The following MAGI3 variants were observed in gnomAD, a reference collection of about 807,000 sequenced individuals.
MAGI3 encodes membrane-associated guanylate kinase, WW and PDZ domain-containing protein 3.
MAGI3 carries 43 observed loss-of-function variants against 121.8 expected under a neutral mutation model. The ratio of observed to expected loss-of-function variants is 0.35; its 90% CI spans 0.28 to 0.46. The LOEUF (loss-of-function observed/expected upper bound fraction) is 0.46. Ranked by LOEUF, MAGI3 falls within the 20% of genes least tolerant of loss-of-function variation. MAGI3 has a pLI of 1.00. For missense variants in MAGI3, 1,547 were observed against 1,797.3 expected (o/e 0.86, Z 2.52); for synonymous variants, 553 against 639.3 (o/e 0.86, Z 2.04).
chr1:113,637,392 G>T (rs913492782), intron 9 of MAGI3, among the ~76,000 whole-genome samples: 10 of 152,128 alleles, frequency 6.6e-5, no homozygotes, highest in Non-Finnish European at 1.3e-4. Context: ...CATGTTTAGT[G>T]CTTCCTTCAG....
intron 1 of MAGI3, among the ~76,000 whole-genome samples, chr1:113,426,758 T>C (rs1353501211): frequency 6.6e-6 from 1 of 152,200 alleles, no homozygotes; most frequent in African/African-American, 2.4e-5. Flanking sequence ...ATCCTTTTAC[T>C]TTTAGCTTAC....
At chr1:113,590,937 A>G (rs986578624) in intron 5 of MAGI3, among the ~76,000 whole-genome samples, 1 of 152,246 alleles carries the variant, frequency 6.6e-6, no homozygotes, top group Admixed American at 6.5e-5. Flanking sequence ...AATGTAAAGA[A>G]TAAAGGGTAT....
chr1:113,681,737 A>G (rs937052272), intron 20 of MAGI3, among the ~76,000 whole-genome samples: 1 of 152,230 alleles, frequency 6.6e-6, no homozygotes, highest in Non-Finnish European at 1.5e-5. Context: ...GTAAAGCAAG[A>G]TAAGTTTATA....
At chr1:113,621,738 A>G (rs1214313333) in intron 8 of MAGI3, among the ~76,000 whole-genome samples, 1 of 150,580 alleles carries the variant, frequency 6.6e-6, no homozygotes, top group Non-Finnish European at 1.5e-5. Flanking sequence ...TAGTAAGTAC[A>G]TATTTAATTT....
At chr1:113,559,585 T>G (rs989493861) in intron 2 of MAGI3, among the ~76,000 whole-genome samples, 5 of 152,082 alleles carry the variant, frequency 3.3e-5, no homozygotes, top group Admixed American at 6.5e-5. Flanking sequence ...TGTTTTTTTT[T>G]GAGAGGGAGT....
In MAGI3 at chr1:113,646,548, T is replaced by C; in HGVS notation, c.2061T>C (p.Pro687=). 1 of 1,613,692 alleles carries C rather than the reference T, an allele frequency of 6.2e-7. No homozygotes were observed. The highest frequency in any genetic ancestry group is 8.5e-7 in the Non-Finnish European group (1 of 1,179,750). The change falls in exon 12 of 21, where the codon CCT becomes CCC. Residue 687 remains proline, a synonymous_variant. Transcript: ENST00000307546. The stretch of plus-strand genomic sequence containing the variant: ...CCATAAATGAGCCTATTCCTCAGCC[T>C]ATGCCTTTTCCACCGAGCATTATCA... ...LEAINEPIPQ[P]MPFPPSIIRS...
chr1:113,447,917 A>T (rs7523404), intron 1 of MAGI3, among the ~76,000 whole-genome samples: 83,104 of 151,954 alleles, frequency 0.55, 24,096 homozygotes, highest in African/African-American at 0.73. Flanking sequence ...ATCACCCCAA[A>T]GGAAACCCAT....
chr1:113,616,930 C>A lies in MAGI3; in HGVS notation c.1076+2272C>A, dbSNP rs144214341. 5.1e-3 allele frequency among the ~76,000 whole-genome samples: 757 copies of A among 147,198 alleles called. 2 individuals are homozygous for A. The highest frequency in any genetic ancestry group is 9.2e-3 in the Non-Finnish European group (618 of 67,158). On this transcript the variant is annotated intron_variant, in intron 7 of 20. Transcript: ENST00000307546. ...AGACGGAGTTTTACTCTTGCCCAGG[C>A]TAGAGTGCAGCAGCACGATCTTGGC... is the stretch of plus-strand genomic sequence containing the variant.
At chr1:113,477,028 A>T (rs1655858954) in intron 1 of MAGI3, among the ~76,000 whole-genome samples, 1 of 149,672 alleles carries the variant, frequency 6.7e-6, no homozygotes, top group Non-Finnish European at 1.5e-5. Context: ...CTGTTATATC[A>T]GAGACTAGGG....
intron 19 of MAGI3, among the ~76,000 whole-genome samples, chr1:113,677,445 G>C (rs1647944542): frequency 6.6e-6 from 1 of 152,182 alleles, no homozygotes. Context: ...TGTGACCCAG[G>C]TATGACCCTA....
chr1:113,600,119 T>C (rs1479369732), intron 6 of MAGI3, among the ~76,000 whole-genome samples: 1 of 152,178 alleles, frequency 6.6e-6, no homozygotes, highest in African/African-American at 2.4e-5. Flanking sequence ...AATATCATAC[T>C]GAATGGGCAA....
intron 1 of MAGI3, among the ~76,000 whole-genome samples, chr1:113,466,891 C>T (rs534307331): frequency 5.3e-5 from 8 of 151,858 alleles, no homozygotes; most frequent in Non-Finnish European, 8.8e-5. Context: ...ACAAAACCAA[C>T]TTTTTGTTTC....
chr1:113,614,017 T>C (rs1557853074), intron 6 of MAGI3, among the ~76,000 whole-genome samples: 1 of 152,226 alleles, frequency 6.6e-6, no homozygotes, highest in East Asian at 1.9e-4. Context: ...TTATTTGTTA[T>C]CATTCACAAA....
intron 1 of MAGI3, among the ~76,000 whole-genome samples, chr1:113,506,588 A>G (rs1236844705): frequency 3.3e-5 from 5 of 152,214 alleles, no homozygotes; most frequent in African/African-American, 7.2e-5. Flanking sequence ...TGCTTTTGCT[A>G]TATTAAATCC....
At chr1:113,579,574 A>G (rs867243842) in intron 2 of MAGI3, among the ~76,000 whole-genome samples, 18 of 152,238 alleles carry the variant, frequency 1.2e-4, no homozygotes, top group Middle Eastern at 3.4e-3. Context: ...TTGTTTCCTC[A>G]GACTGTGTTT....
chr1:113,684,024 T>G lies in MAGI3; in HGVS notation c.*10T>G. The G allele has an allele frequency of 6.6e-7, 1 of 1,518,558 alleles. No individual in the cohort carries two copies. Among genetic ancestry groups the G allele is most frequent in the Non-Finnish European group, 8.8e-7 (1 of 1,139,006 alleles). The allele number at this position is 1,518,558 out of a possible 1,614,324, so 94.1% of individuals were successfully genotyped here. On this transcript the variant is annotated 3_prime_UTR_variant, in exon 21 of 21. Coordinates refer to ENST00000307546, the MANE Select transcript of MAGI3 (RefSeq NM_001142782.2). The stretch of plus-strand genomic sequence containing the variant: ...TGAGAAACGGCAGTAACCTTTAGTA[T>G]AAAACAAAGAAAAACAAGTTGTAAT...
At chr1:113,575,305 T>G (rs962447576) in intron 2 of MAGI3, among the ~76,000 whole-genome samples, 1 of 152,212 alleles carries the variant, frequency 6.6e-6, no homozygotes, top group Non-Finnish European at 1.5e-5. Context: ...TTTGTACTGG[T>G]TTTTCCTCAT....
intron 7 of MAGI3, among the ~76,000 whole-genome samples, chr1:113,616,265 G>A (rs1650456739): frequency 1.3e-5 from 2 of 152,180 alleles, no homozygotes. Flanking sequence ...ATTATTCCCA[G>A]AATGAGCTCA....
intron 1 of MAGI3, among the ~76,000 whole-genome samples, chr1:113,514,233 T>C (rs2101616865): frequency 6.6e-6 from 1 of 152,224 alleles, no homozygotes; most frequent in African/African-American, 2.4e-5. Flanking sequence ...CTCAGGGATC[T>C]AGAACTAGAA....
Sources: allele counts gnomAD v4.1 joint callset (sites outside exome capture counted in the v4.1 genomes callset), GRCh38; gene constraint gnomAD v4.1.1; transcripts MANE v1.5; gene names NCBI Gene and HGNC (gene_info 2026-07-23, HGNC 2026-07-21).